Variants in DHX36 observed in about 807,000 individuals in gnomAD.
DHX36 encodes the protein DEAH-box helicase 36.
DHX36 carries 50 observed loss-of-function variants against 139.0 expected under a neutral mutation model. The observed-to-expected ratio is 0.36, with a 90% CI of 0.29 to 0.46. DHX36 has a LOEUF of 0.46. Among genes scored for constraint, DHX36 ranks in the 20% least tolerant of loss-of-function variants. The probability of loss-of-function intolerance (pLI) is 1.00; values close to 1 mark genes in which losing one functional copy is unlikely to be tolerated. For missense variants in DHX36, 1,024 were observed against 1,211.3 expected, an observed-to-expected ratio of 0.85 and a Z score of 2.29; for synonymous variants, 425 against 401.9, an observed-to-expected ratio of 1.06 and a Z score of -0.69.
chr3:154,313,661 C>CA (rs1381586188), intron 3 of DHX36, among the ~76,000 whole-genome samples: 4 of 152,138 alleles, frequency 2.6e-5, no homozygotes, highest in Admixed American at 2.0e-4. Flanking sequence ...GCCTGGGTGA[C>CA]AGAGTGAGAC....
intron 19 of DHX36, 124 bp downstream of exon 19, chr3:154,284,459 G>A (rs1029051870): frequency 1.9e-5 from 15 of 777,028 alleles, no homozygotes; most frequent in Admixed American, 3.0e-5. Flanking sequence ...ATGATTACAG[G>A]CATGAGCCAC....
chr3:154,280,361 G>A (rs114589535), intron 22 of DHX36: 340 of 479,152 alleles, frequency 7.1e-4, no homozygotes, highest in African/African-American at 6.2e-3. Context: ...CATTCTTTGT[G>A]AATAATGGGT....
intron 13 of DHX36, among the ~76,000 whole-genome samples, chr3:154,294,725 G>T (rs1711962989): frequency 6.6e-6 from 1 of 152,068 alleles, no homozygotes; most frequent in Non-Finnish European, 1.5e-5. Context: ...GGGAGGAGCA[G>T]GTTTTCTAAT....
At chr3:154,314,426 C>T (rs1259681579) in intron 3 of DHX36, among the ~76,000 whole-genome samples, 1 of 152,122 alleles carries the variant, frequency 6.6e-6, no homozygotes, top group East Asian at 1.9e-4. Context: ...AAAGATATGG[C>T]CCTCAGAGTT....
chr3:154,289,802 A>C lies in DHX36; in HGVS notation c.1839T>G (p.His613Gln). ...GACTTGCTCTAAGACCATTATACAGATGATAGCAATGACCAGGTTGAACTC... is the reference window on the plus strand; with the variant it reads ...GACTTGCTCTAAGACCATTATACAGCTGATAGCAATGACCAGGTTGAACTC... ...AGRVQPGHCY[H>Q]LYNGLRASLL... The change falls in exon 16 of 25, where the codon CAT becomes CAG. Residue 613 changes from histidine to glutamine, a missense_variant. Around this residue, in one of 4 missense-constraint regions of DHX36, gnomAD observed 470 missense variants for 616.2 expected, o/e 0.76. Transcript: ENST00000496811. The C allele has an allele frequency of 6.2e-7, 1 of 1,604,170 alleles. No individual in the cohort carries two copies. Among genetic ancestry groups the C allele is most frequent in the South Asian group, 1.1e-5 (1 of 88,514 alleles).
chr3:154,288,995 CATATA>C (rs1559948098), intron 16 of DHX36, 31 bp from the exon 17 acceptor site: 2 of 1,079,398 alleles, frequency 1.9e-6, no homozygotes, highest in East Asian at 2.7e-5. Flanking sequence ...TTATTAAATA[CATATA>C]ATATTAATAT....
At chr3:154,285,111 T>C in intron 17 of DHX36, 124 bp from the exon 18 acceptor site, 3 of 985,458 alleles carry the variant, frequency 3.0e-6, no homozygotes, top group Non-Finnish European at 4.4e-6. Context: ...TGCCCAAATA[T>C]TGTTCAGCTT....
intron 2 of DHX36, among the ~76,000 whole-genome samples, chr3:154,315,594 T>G (rs934396841): frequency 6.6e-5 from 10 of 152,160 alleles, no homozygotes; most frequent in African/African-American, 2.4e-4. Context: ...TCGAACTTGT[T>G]TTATGTCACA....
At position 154,324,434 on chromosome 3, in the gene DHX36, A is replaced by G. The variant is rs1713329934; in HGVS notation, c.-18T>C. ...TAACTCATTGTCCTGGCAGACTACA[A>G]CCCGTCAGAACCAGCAACCGCTGGA... On this transcript the variant is annotated 5_prime_UTR_variant, in exon 1 of 25. Coordinates refer to ENST00000496811, the MANE Select transcript of DHX36 (RefSeq NM_020865.3). 5 of 1,461,796 alleles carry G rather than the reference A, an allele frequency of 3.4e-6. No homozygotes were observed. Among genetic ancestry groups the G allele is most frequent in the South Asian group, 1.5e-5 (1 of 67,592 alleles). The allele number at this position is 1,461,796 out of a possible 1,614,324, so 90.6% of individuals were successfully genotyped here.
chr3:154,321,158 T>A (rs1576886048), intron 1 of DHX36, among the ~76,000 whole-genome samples: 1 of 152,374 alleles, frequency 6.6e-6, no homozygotes, highest in East Asian at 1.9e-4. Flanking sequence ...ACTTTTCATC[T>A]AGTTATACAT....
At chr3:154,286,748 C>T (rs1711563887) in intron 17 of DHX36, among the ~76,000 whole-genome samples, 1 of 151,614 alleles carries the variant, frequency 6.6e-6, no homozygotes, top group Admixed American at 6.6e-5. Flanking sequence ...TCCAAAGATT[C>T]TCAAATGTAT....
chr3:154,289,203 C>T (rs1435948637), intron 16 of DHX36, among the ~76,000 whole-genome samples: 1 of 152,138 alleles, frequency 6.6e-6, no homozygotes, highest in Non-Finnish European at 1.5e-5. Context: ...GCTAAAATCT[C>T]AATGAACAAG....
At chr3:154,287,808 T>C (rs1378766184) in intron 17 of DHX36, among the ~76,000 whole-genome samples, 3 of 151,832 alleles carry the variant, frequency 2.0e-5, no homozygotes, top group Non-Finnish European at 4.4e-5. Flanking sequence ...CAGAAGACAC[T>C]AGCAATTTAT....
chr3:154,299,781 T>A (rs751165242), intron 12 of DHX36, 57 bp downstream of exon 12: 101 of 1,268,878 alleles, frequency 8.0e-5, no homozygotes, highest in Non-Finnish European at 1.1e-4. Flanking sequence ...AAAATACACA[T>A]CATATATAAT....
At chr3:154,283,698 CAA>C (rs1466590582) in intron 19 of DHX36, among the ~76,000 whole-genome samples, 1 of 150,714 alleles carries the variant, frequency 6.6e-6, no homozygotes, top group African/African-American at 2.4e-5. Context: ...TGAATAAGCT[CAA>C]AGACAAAAAA....
At chr3:154,301,467 C>T (rs1176638019) in intron 9 of DHX36, among the ~76,000 whole-genome samples, 2 of 152,114 alleles carry the variant, frequency 1.3e-5, no homozygotes, top group African/African-American at 2.4e-5. Context: ...CCTGACTGCA[C>T]GTAAGAATTG....
chr3:154,303,389 A>G lies in DHX36; in HGVS notation c.1157T>C (p.Ile386Thr), dbSNP rs766175399. Reference protein sequence around the residue: ...EYFGNCPMIHIPGFTFPVVEY... With the variant: ...EYFGNCPMIHTPGFTFPVVEY... ...CACAACCGGAAAGGTAAAACCAGGT[A>G]TATGTATCATTGGACAGTTACCTAT... Residue 386 changes from isoleucine (I) to threonine (T), a missense_variant, in exon 9 of 25, where the codon ATA becomes ACA. Physicochemically the swap from Ile to Thr is moderately conservative, Grantham distance 89 (BLOSUM62 -1). This residue lies in a region of DHX36 where 146 missense variants were observed against 215.0 expected (regional missense o/e 0.68). Transcript: ENST00000496811. 3 of 1,606,300 alleles carry G rather than the reference A, an allele frequency of 1.9e-6. No individual in the cohort carries two copies. Among genetic ancestry groups the G allele is most frequent in the Non-Finnish European group, 2.5e-6 (3 of 1,176,962 alleles).
At chr3:154,288,078 G>A (rs149673094) in intron 17 of DHX36, among the ~76,000 whole-genome samples, 49 of 147,498 alleles carry the variant, frequency 3.3e-4, no homozygotes, top group African/African-American at 1.2e-3. Flanking sequence ...AACCCAGGAC[G>A]TGGAGGTTGC....
chr3:154,289,653 G>T, intron 16 of DHX36, 56 bp downstream of exon 16: 1 of 1,008,432 alleles, frequency 9.9e-7, no homozygotes, highest in Non-Finnish European at 1.6e-6. Flanking sequence ...TTCTACAAAA[G>T]ATGTTGAAAA....
Sources: gnomAD v4.1 joint callset for allele counts (sites outside exome capture counted in the v4.1 genomes callset) on GRCh38, gnomAD v4.1.1 for gene constraint, gnomAD v4.1.1 regional missense constraint, MANE v1.5 for transcripts, NCBI Gene and HGNC (gene_info 2026-07-23, HGNC 2026-07-21) for gene names.